The following HIP1 variants were observed in gnomAD, a reference collection of about 807,000 sequenced individuals.
HIP1 encodes huntingtin-interacting protein 1.
HIP1 carries 65 observed loss-of-function variants against 147.6 expected under a neutral mutation model. The observed-to-expected ratio is 0.44, with a 90% confidence interval of 0.36 to 0.54. The LOEUF (loss-of-function observed/expected upper bound fraction) is 0.54, where lower values mean the gene tolerates loss of function less well. Among genes scored for constraint, HIP1 ranks in the 20% least tolerant of loss-of-function variants. The pLI, the probability that HIP1 is intolerant of heterozygous loss-of-function variation, is 0.00. For missense variants in HIP1, 1,061 were observed against 1,299.6 expected (o/e 0.82, Z 2.82); for synonymous variants, 479 against 504.0 (o/e 0.95, Z 0.67).
rs185462361 is a variant in HIP1, at chr7:75,684,715, G to A, written c.120+54086C>T. Among the ~76,000 whole-genome samples, 477 of 152,164 alleles carry A rather than the reference G, an allele frequency of 3.1e-3. 4 individuals carry two copies. Among genetic ancestry groups the A allele is most frequent in the Admixed American group, 0.021 (315 of 15,262 alleles). On this transcript the variant is annotated intron_variant, in intron 1 of 30. Coordinates refer to ENST00000336926, the MANE Select transcript of HIP1 (RefSeq NM_005338.7). ...TACAATTAAAAATGAATTATTCTGC[G>A]CTTCAGTGAATAATCCTGATCATAC...
intron 1 of HIP1, among the ~76,000 whole-genome samples, chr7:75,603,737 G>T (rs782264538): frequency 6.6e-6 from 1 of 152,026 alleles, no homozygotes; most frequent in Non-Finnish European, 1.5e-5. Context: ...GCCAGGTGTG[G>T]TGGTGCACAA....
intron 16 of HIP1, 27 bp downstream of exon 16, chr7:75,557,627 T>G: frequency 6.6e-7 from 1 of 1,516,632 alleles, no homozygotes; most frequent in Non-Finnish European, 9.2e-7. Flanking sequence ...CCTCCCTCAT[T>G]TCCCGAGTGC....
At position 75,539,436 on chromosome 7, in the gene HIP1, A is replaced by G; in HGVS notation, c.2953-5T>C. Reference sequence around the variant, plus strand: ...TTCTAGCTCTAGCACCCTAACCTGTAAGGGAAATTAAGTGGGATTTTCTCT... The same window carrying G: ...TTCTAGCTCTAGCACCCTAACCTGTGAGGGAAATTAAGTGGGATTTTCTCT... On this transcript the variant is annotated splice_polypyrimidine_tract_variant and splice_region_variant and intron_variant, in intron 29 of 30. Transcript: ENST00000336926. The G allele has an allele frequency of 6.3e-7, 1 of 1,596,172 alleles. No individual in the cohort carries two copies. The highest frequency in any genetic ancestry group is 1.7e-5 in the Admixed American group (1 of 59,698).
At chr7:75,640,971 C>G (rs1214677915) in intron 1 of HIP1, among the ~76,000 whole-genome samples, 1 of 151,776 alleles carries the variant, frequency 6.6e-6, no homozygotes, top group Non-Finnish European at 1.5e-5. Context: ...AATTGGGACT[C>G]TATCTGCCTG....
intron 27 of HIP1, among the ~76,000 whole-genome samples, 184 bp from the exon 28 acceptor site, chr7:75,543,158 G>C (rs1322464572): frequency 6.6e-6 from 1 of 152,082 alleles, no homozygotes; most frequent in Non-Finnish European, 1.5e-5. Flanking sequence ...GTTATTCCTG[G>C]CTTCTTTGCT....
At chr7:75,657,297 G>A (rs954396158) in intron 1 of HIP1, among the ~76,000 whole-genome samples, 1 of 152,098 alleles carries the variant, frequency 6.6e-6, no homozygotes, top group Admixed American at 6.6e-5. Flanking sequence ...TTGGGAGGCC[G>A]AGGCGGGCAG....
chr7:75,606,244 G>C (rs145669275), intron 1 of HIP1, among the ~76,000 whole-genome samples: 1 of 152,142 alleles, frequency 6.6e-6, no homozygotes, highest in Non-Finnish European at 1.5e-5. Context: ...GCTGTAAAAC[G>C]AGCTTCAGTA....
chr7:75,603,343 C>CAAA lies in HIP1; in HGVS notation c.121-4099_121-4097dup, dbSNP rs10546584. 2.2e-3 allele frequency among the ~76,000 whole-genome samples: 283 copies of CAAA among 127,542 alleles called. 1 individual carries two copies. The highest frequency in any genetic ancestry group is 3.3e-3 in the Non-Finnish European group (193 of 58,680). The allele number at this position is 127,542 out of a possible 152,430, so 83.7% of individuals were successfully genotyped here. A position where few individuals can be genotyped will look rare whatever the true frequency, so the allele number is the denominator to read the frequency against. On this transcript the variant is annotated intron_variant, in intron 1 of 30. Transcript: ENST00000336926. ...AGCCTGGGTGACAGAGCGAGACTCT[C>CAAA]AAAAAAAAAAAAAAAAATGGAGCCT...
intron 1 of HIP1, among the ~76,000 whole-genome samples, chr7:75,670,833 G>C (rs1554515211): frequency 1.6e-5 from 2 of 126,120 alleles, no homozygotes; most frequent in African/African-American, 3.2e-5. Flanking sequence ...TGTATCCCAG[G>C]CTGGTCTCAA....
chr7:75,716,294 C>G (rs1383592238), intron 1 of HIP1, among the ~76,000 whole-genome samples: 2 of 151,832 alleles, frequency 1.3e-5, no homozygotes, highest in African/African-American at 4.8e-5. Flanking sequence ...GTAGTACAGT[C>G]TTGGCTCACA....
chr7:75,643,107 A>G (rs1193214398), intron 1 of HIP1, among the ~76,000 whole-genome samples: 1 of 152,198 alleles, frequency 6.6e-6, no homozygotes, highest in East Asian at 1.9e-4. Flanking sequence ...GCCTAGCCCT[A>G]AAGACCACAC....
intron 24 of HIP1, among the ~76,000 whole-genome samples, 153 bp downstream of exon 24, chr7:75,547,602 C>T (rs1391246790): frequency 6.6e-6 from 1 of 152,090 alleles, no homozygotes; most frequent in Non-Finnish European, 1.5e-5. Flanking sequence ...TTGCTGTCAT[C>T]ATTAATACTG....
chr7:75,603,351 A>G (rs1797082839), intron 1 of HIP1, among the ~76,000 whole-genome samples: 1 of 151,744 alleles, frequency 6.6e-6, no homozygotes, highest in African/African-American at 2.4e-5. Flanking sequence ...CTCAAAAAAA[A>G]AAAAAAAAAT....
intron 4 of HIP1, among the ~76,000 whole-genome samples, chr7:75,590,173 G>A (rs1199234456): frequency 6.6e-6 from 1 of 152,054 alleles, no homozygotes; most frequent in Non-Finnish European, 1.5e-5. Flanking sequence ...ATAAAACAAG[G>A]AAAATAAAAC....
chr7:75,640,399 C>CA (rs782739962), intron 1 of HIP1, among the ~76,000 whole-genome samples: 4 of 152,294 alleles, frequency 2.6e-5, no homozygotes, highest in East Asian at 3.9e-4. Context: ...CCCATGCTGC[C>CA]ACGGGGCAAC....
At chr7:75,729,197 G>A (rs534741559) in intron 1 of HIP1, among the ~76,000 whole-genome samples, 10 of 148,594 alleles carry the variant, frequency 6.7e-5, no homozygotes, top group Non-Finnish European at 1.3e-4. Flanking sequence ...TGTTGGGCCA[G>A]GTGCAGTGAC....
chr7:75,713,707 T>C (rs1801225648), intron 1 of HIP1, among the ~76,000 whole-genome samples: 1 of 151,698 alleles, frequency 6.6e-6, no homozygotes, highest in African/African-American at 2.4e-5. Flanking sequence ...TGCCATTTTT[T>C]TTTTTTTGAG....
intron 1 of HIP1, among the ~76,000 whole-genome samples, chr7:75,697,984 A>G (rs987581237): frequency 6.6e-6 from 1 of 152,164 alleles, no homozygotes; most frequent in East Asian, 1.9e-4. Context: ...GTAAAGTTTT[A>G]TAATTTAAAA....
At chr7:75,709,189 T>A (rs1467529500) in intron 1 of HIP1, among the ~76,000 whole-genome samples, 2 of 151,220 alleles carry the variant, frequency 1.3e-5, no homozygotes, top group Non-Finnish European at 2.9e-5. Context: ...CTTGGCTCAC[T>A]GCAACCACCA....
Sources: allele counts gnomAD v4.1 joint callset (sites outside exome capture counted in the v4.1 genomes callset), GRCh38; gene constraint gnomAD v4.1.1; transcripts MANE v1.5; gene names NCBI Gene and HGNC (gene_info 2026-07-23, HGNC 2026-07-21).